SDK1: variants seen among roughly 807,000 people sequenced by gnomAD.
SDK1 encodes sidekick cell adhesion molecule 1.
In SDK1, 157 loss-of-function variants were observed where a neutral mutation model predicts 245.5. The ratio of observed to expected loss-of-function variants is 0.64; its 90% CI spans 0.56 to 0.73. The LOEUF (loss-of-function observed/expected upper bound fraction) is 0.73, where lower values mean the gene tolerates loss of function less well. Among genes scored for constraint, SDK1 ranks in the 30% least tolerant of loss-of-function variants. The pLI is 0.00. For synonymous variants in SDK1, 1,647 were observed against 1,278.5 expected (o/e 1.29, Z -6.15); for missense variants, 3,583 against 3,002.3 (o/e 1.19, Z -4.52).
chr7:3,495,977 C>T (rs1562522203), intron 1 of SDK1, among the ~76,000 whole-genome samples: 2 of 152,192 alleles, frequency 1.3e-5, no homozygotes, highest in South Asian at 4.2e-4. Flanking sequence ...ACATACTTAT[C>T]TTTTCTCAGT....
At chr7:4,207,517 A>C (rs1259284493) in intron 36 of SDK1, among the ~76,000 whole-genome samples, 1 of 152,236 alleles carries the variant, frequency 6.6e-6, no homozygotes, top group Admixed American at 6.5e-5. Context: ...CCCTGAGCCC[A>C]ACATAGTTCT....
At chr7:4,085,855 C>A (rs1353363077) in intron 22 of SDK1, among the ~76,000 whole-genome samples, 1 of 152,128 alleles carries the variant, frequency 6.6e-6, no homozygotes, top group Non-Finnish European at 1.5e-5. Flanking sequence ...GCACCTAGCT[C>A]ATTTTACATT....
At chr7:3,395,455 G>T (rs1042974639) in intron 1 of SDK1, among the ~76,000 whole-genome samples, 1 of 151,792 alleles carries the variant, frequency 6.6e-6, no homozygotes, top group Non-Finnish European at 1.5e-5. Context: ...GTCTCGCTTT[G>T]CTATCAGGGT....
intron 1 of SDK1, among the ~76,000 whole-genome samples, chr7:3,453,472 G>A (rs910210521): frequency 2.0e-5 from 3 of 152,292 alleles, no homozygotes; most frequent in South Asian, 2.1e-4. Context: ...GGATTATCTG[G>A]TGGACCCTAA....
At chr7:4,109,204 T>C (rs1316744746) in intron 22 of SDK1, among the ~76,000 whole-genome samples, 1 of 152,214 alleles carries the variant, frequency 6.6e-6, no homozygotes, top group Non-Finnish European at 1.5e-5. Context: ...TGCTGGCTTA[T>C]GCGGTGACTG....
At chr7:3,883,398 G>A (rs1781254411) in intron 5 of SDK1, among the ~76,000 whole-genome samples, 1 of 152,214 alleles carries the variant, frequency 6.6e-6, no homozygotes, top group South Asian at 2.1e-4. Context: ...GCTTGTTGCA[G>A]ACATTATGAG....
At chr7:3,806,966 G>T (rs1470078286) in intron 4 of SDK1, among the ~76,000 whole-genome samples, 1 of 152,070 alleles carries the variant, frequency 6.6e-6, no homozygotes, top group Admixed American at 6.6e-5. Context: ...AATTTACTCA[G>T]ACTTTCTCAA....
At chr7:3,591,693 G>A (rs896943901) in intron 1 of SDK1, among the ~76,000 whole-genome samples, 1 of 152,172 alleles carries the variant, frequency 6.6e-6, no homozygotes, top group Non-Finnish European at 1.5e-5. Flanking sequence ...CATGGCCGCT[G>A]GAAGCTATTT....
At chr7:3,377,927 C>T (rs573700211) in intron 1 of SDK1, among the ~76,000 whole-genome samples, 16 of 152,088 alleles carry the variant, frequency 1.1e-4, no homozygotes, top group Middle Eastern at 3.4e-3. Context: ...TACAGGTGCA[C>T]GCCACCATGC....
chr7:3,498,790 T>G (rs909904274), intron 1 of SDK1, among the ~76,000 whole-genome samples: 1 of 151,932 alleles, frequency 6.6e-6, no homozygotes, highest in Admixed American at 6.6e-5. Context: ...AATCAAGACT[T>G]CAGCATGTTC....
At chr7:4,252,307 GT>G (rs1171105957) in intron 44 of SDK1, among the ~76,000 whole-genome samples, 1 of 151,320 alleles carries the variant, frequency 6.6e-6, no homozygotes, top group Admixed American at 6.6e-5. Flanking sequence ...AACATGCGGT[GT>G]TTGGTTTTTT....
chr7:3,698,529 T>C (rs1486468826), intron 4 of SDK1, among the ~76,000 whole-genome samples: 3 of 152,104 alleles, frequency 2.0e-5, no homozygotes, highest in East Asian at 3.9e-4. Flanking sequence ...AGTGGAGGCG[T>C]ATAAGGAGCA....
At chr7:3,542,168 G>T (rs971807864) in intron 1 of SDK1, among the ~76,000 whole-genome samples, 1 of 152,162 alleles carries the variant, frequency 6.6e-6, no homozygotes, top group African/African-American at 2.4e-5. Flanking sequence ...CCCAATGATA[G>T]ATTTTTCTAA....
At chr7:3,375,292 A>G (rs925523264) in intron 1 of SDK1, among the ~76,000 whole-genome samples, 1 of 152,222 alleles carries the variant, frequency 6.6e-6, no homozygotes, top group Admixed American at 6.5e-5. Flanking sequence ...TTAAATCAGT[A>G]TAATACTGAC....
intron 42 of SDK1, among the ~76,000 whole-genome samples, chr7:4,238,379 C>T (rs1025138213): frequency 6.6e-6 from 1 of 151,934 alleles, no homozygotes; most frequent in African/African-American, 2.4e-5. Context: ...GGTGCCCAAC[C>T]TAATCACATT....
intron 4 of SDK1, among the ~76,000 whole-genome samples, chr7:3,729,254 T>C (rs1051069345): frequency 1.3e-5 from 2 of 152,252 alleles, no homozygotes; most frequent in Non-Finnish European, 2.9e-5. Context: ...AGCATTTAGA[T>C]ATTCAGGTTT....
intron 1 of SDK1, among the ~76,000 whole-genome samples, chr7:3,564,626 A>G (rs1779851077): frequency 1.3e-5 from 2 of 152,136 alleles, no homozygotes; most frequent in Admixed American, 1.3e-4. Flanking sequence ...AAAATGAATA[A>G]ATTCTCAGAA....
chr7:3,337,419 C>T (rs1780231111), intron 1 of SDK1, among the ~76,000 whole-genome samples: 1 of 151,550 alleles, frequency 6.6e-6, no homozygotes, highest in South Asian at 2.1e-4. Context: ...AGAGATAACA[C>T]TTGTGTTGTT....
intron 1 of SDK1, among the ~76,000 whole-genome samples, chr7:3,306,773 G>A (rs536561716): frequency 6.6e-6 from 1 of 152,266 alleles, no homozygotes; most frequent in East Asian, 1.9e-4. Context: ...CATAGGATTT[G>A]GCGTCTAAGG....
Sources: gnomAD v4.1 joint callset for allele counts (sites outside exome capture counted in the v4.1 genomes callset) on GRCh38, gnomAD v4.1.1 for gene constraint, MANE v1.5 for transcripts, NCBI Gene and HGNC (gene_info 2026-07-23, HGNC 2026-07-21) for gene names.